WLS: variants seen among roughly 807,000 people sequenced by gnomAD.
The protein encoded by WLS is Wnt ligand secretion mediator, also known as protein wntless homolog.
WLS carries 23 observed loss-of-function variants against 62.8 expected under a neutral mutation model. That is an observed-to-expected ratio of 0.37 (90% confidence interval 0.26 to 0.52). WLS has a LOEUF of 0.52. Ranked by LOEUF, WLS falls within the 20% of genes least tolerant of loss-of-function variation. The pLI is 0.92. For synonymous variants in WLS, 246 were observed against 244.1 expected (o/e 1.01, Z -0.07); for missense variants, 615 against 697.3 (o/e 0.88, Z 1.33).
intron 2 of WLS, among the ~76,000 whole-genome samples, chr1:68,193,321 A>G (rs748703389): frequency 3.6e-5 from 5 of 140,708 alleles, no homozygotes; most frequent in Non-Finnish European, 7.6e-5. Flanking sequence ...TTGGCCTCCC[A>G]GAAATCACCC....
intron 9 of WLS, among the ~76,000 whole-genome samples, chr1:68,145,578 G>A (rs1398032741): frequency 6.6e-6 from 1 of 151,902 alleles, no homozygotes; most frequent in Non-Finnish European, 1.5e-5. Context: ...CAATCTCCCA[G>A]CTAGTATGTA....
chr1:68,198,612 T>A (rs1411881150), intron 1 of WLS, among the ~76,000 whole-genome samples: 2 of 152,184 alleles, frequency 1.3e-5, no homozygotes, highest in Non-Finnish European at 2.9e-5. Context: ...CTTGAGTATC[T>A]ACCATGCACT....
intron 11 of WLS, among the ~76,000 whole-genome samples, chr1:68,112,457 C>G (rs190964883): frequency 1.3e-4 from 20 of 152,338 alleles, no homozygotes; most frequent in African/African-American, 4.1e-4. Context: ...GCCTGACATT[C>G]AATGCTGTGT....
exon 12 of WLS, chr1:68,098,542 T>C: frequency 6.5e-7 from 1 of 1,529,826 alleles, no homozygotes; most frequent in Non-Finnish European, 8.8e-7. Flanking sequence ...AAAGGCTAAA[T>C]GAGTGTATTT....
rs1363742213 is a variant in WLS at position 68,134,303 on chromosome 1, C to T, written c.1516+3477G>A. Among the ~76,000 whole-genome samples the T allele has an allele frequency of 2.0e-5, 3 of 152,190 alleles. No individual in the cohort carries two copies. In the East Asian group the frequency reaches 5.8e-4, roughly 29 times the overall value. On this transcript the variant is annotated intron_variant, in intron 11 of 11. Coordinates refer to ENST00000262348, the MANE Select transcript of WLS (RefSeq NM_024911.7). ...AAACAAAATAGAGAAGAAAAATAAG[C>T]AGAATGCCCAACATGGAAGAGACCC...
chr1:68,123,539 C>CATT (rs1007094612), downstream of WLS, among the ~76,000 whole-genome samples: 8 of 151,580 alleles, frequency 5.3e-5, no homozygotes, highest in Admixed American at 4.6e-4. Flanking sequence ...ATTGTTAGCT[C>CATT]ATTTCCTCAA....
At chr1:68,199,586 G>A (rs962635634) in intron 1 of WLS, among the ~76,000 whole-genome samples, 2 of 152,180 alleles carry the variant, frequency 1.3e-5, no homozygotes, top group South Asian at 2.1e-4. Context: ...ATCATTTAAC[G>A]GTGAAAACTG....
At chr1:68,107,176 C>T (rs1360635780) in intron 11 of WLS, among the ~76,000 whole-genome samples, 1 of 152,018 alleles carries the variant, frequency 6.6e-6, no homozygotes, top group Non-Finnish European at 1.5e-5. Flanking sequence ...TTTTTAATTA[C>T]TATATTGTGA....
intron 11 of WLS, among the ~76,000 whole-genome samples, chr1:68,127,582 G>A (rs997814899): frequency 3.9e-5 from 6 of 152,192 alleles, no homozygotes; most frequent in African/African-American, 1.4e-4. Flanking sequence ...CTGTGTGTGG[G>A]GGTGCACGTG....
intron 2 of WLS, among the ~76,000 whole-genome samples, chr1:68,167,638 A>G (rs1647079731): frequency 6.6e-6 from 1 of 152,234 alleles, no homozygotes; most frequent in African/African-American, 2.4e-5. Context: ...GTAAGGTATC[A>G]GCATAGGGCA....
chr1:68,166,959 A>G (rs914450732), intron 2 of WLS, among the ~76,000 whole-genome samples: 5 of 152,180 alleles, frequency 3.3e-5, no homozygotes, highest in Non-Finnish European at 7.3e-5. Context: ...AAAAAAATAG[A>G]AATCACAGGG....
intron 2 of WLS, chr1:68,162,450 C>A: frequency 6.2e-7 from 1 of 1,613,934 alleles, no homozygotes; most frequent in South Asian, 1.1e-5. Flanking sequence ...CGATCCCATC[C>A]TGCAAGTAGG....
chr1:68,162,686 C>T (rs1242966936), intron 2 of WLS: 3 of 1,235,104 alleles, frequency 2.4e-6, no homozygotes, highest in Non-Finnish European at 3.6e-6. Flanking sequence ...ATGGTAGAGT[C>T]CGGTGTCTCT....
chr1:68,153,798 GC>G, intron 4 of WLS, 145 bp from the exon 5 acceptor site: 1 of 1,042,638 alleles, frequency 9.6e-7, no homozygotes, highest in Non-Finnish European at 1.4e-6. Flanking sequence ...AGCAGGTACT[GC>G]CCTCATACAC....
chr1:68,227,461 A>G (rs1164032290), intron 1 of WLS, among the ~76,000 whole-genome samples: 2 of 151,652 alleles, frequency 1.3e-5, no homozygotes, highest in Non-Finnish European at 2.9e-5. Flanking sequence ...GCATGATTAC[A>G]CTGCAAGAAC....
Position 68,171,761 on chromosome 1 carries a change from C to T in WLS, c.380-12514G>A, listed in dbSNP as rs190720084. 3.3e-3 allele frequency among the ~76,000 whole-genome samples: 502 copies of T among 152,288 alleles called. 6 individuals are homozygous for T. In the South Asian group the frequency reaches 0.04, roughly 12 times the overall value. ...ATTGTGGAAGACAGTGTGGCGATTC[C>T]TCAAGGATCTAGAACCAGAAATACC... On this transcript the variant is annotated intron_variant, in intron 2 of 11. Transcript: ENST00000262348.
rs139532415 is a variant in WLS at position 68,148,857 on chromosome 1, C to T, written c.973-197G>A. ...TCTCTGTGGGGGAGTCTGGCACATA[C>T]GTAGAACATGACAAAGCCCAGCCAT... On this transcript the variant is annotated intron_variant, in intron 6 of 11. Transcript: ENST00000262348. Among the ~76,000 whole-genome samples the T allele has an allele frequency of 8.9e-3, 1,350 of 152,118 alleles. 11 individuals carry two copies. The highest frequency in any genetic ancestry group is 0.031 in the Middle Eastern group (9 of 294).
intron 5 of WLS, among the ~76,000 whole-genome samples, chr1:68,151,506 A>G (rs1646825200): frequency 6.6e-6 from 1 of 152,226 alleles, no homozygotes; most frequent in South Asian, 2.1e-4. Context: ...TATAACTGTG[A>G]ACAAGAAAAG....
intron 1 of WLS, among the ~76,000 whole-genome samples, chr1:68,230,414 G>A (rs1019422868): frequency 2.0e-5 from 3 of 152,144 alleles, no homozygotes; most frequent in Non-Finnish European, 4.4e-5. Context: ...AGGGAGACAA[G>A]AGGTGTAATT....
Sources: allele counts gnomAD v4.1 joint callset (sites outside exome capture counted in the v4.1 genomes callset), GRCh38; gene constraint gnomAD v4.1.1; transcripts MANE v1.5; gene names NCBI Gene and HGNC (gene_info 2026-07-23, HGNC 2026-07-21).